The following ULK4 variants were observed in gnomAD, a reference collection of about 807,000 sequenced individuals.
ULK4 encodes the protein unc-51 like kinase 4.
In ULK4, 133 loss-of-function variants were observed where a neutral mutation model predicts 160.6. The observed-to-expected ratio is 0.83, with a 90% CI of 0.72 to 0.96. ULK4 has a LOEUF of 0.96. Ranked by LOEUF, ULK4 falls within the 40% of genes least tolerant of loss-of-function variation. The probability of loss-of-function intolerance (pLI) is 0.00; values close to 1 mark genes in which losing one functional copy is unlikely to be tolerated. For synonymous variants in ULK4, 534 were observed against 539.8 expected (o/e 0.99, Z 0.15); for missense variants, 1,580 against 1,499.5 (o/e 1.05, Z -0.89).
chr3:41,352,020 T>C (rs1314712037), intron 35 of ULK4, among the ~76,000 whole-genome samples: 3 of 152,156 alleles, frequency 2.0e-5, no homozygotes, highest in African/African-American at 4.8e-5. Context: ...ATTGCATAGA[T>C]AGAGGTAGTC....
At chr3:41,504,482 T>C (rs1416383468) in intron 32 of ULK4, among the ~76,000 whole-genome samples, 1 of 152,194 alleles carries the variant, frequency 6.6e-6, no homozygotes, top group African/African-American at 2.4e-5. Context: ...CATATGCAAA[T>C]ATGGAAGTGT....
chr3:41,742,239 T>A (rs1169033165), intron 22 of ULK4, among the ~76,000 whole-genome samples: 2 of 151,884 alleles, frequency 1.3e-5, no homozygotes, highest in African/African-American at 4.9e-5. Context: ...TAATATTCCA[T>A]CCCCTGCAAA....
At chr3:41,343,295 CTTTTTTTTT>C (rs55691966) in intron 35 of ULK4, among the ~76,000 whole-genome samples, 2 of 85,376 alleles carry the variant, frequency 2.3e-5, no homozygotes, top group African/African-American at 8.9e-5. Context: ...AGCCCAAAAA[CTTTTTTTTT>C]TTTTTTTTTT....
chr3:41,960,607 C>T (rs758249899), intron 1 of ULK4, among the ~76,000 whole-genome samples: 11 of 152,002 alleles, frequency 7.2e-5, no homozygotes, highest in Non-Finnish European at 1.2e-4. Context: ...TCAAGTGATC[C>T]GCCTGCCTCG....
chr3:41,311,877 C>CATATATATATATATATATAT (rs143621818), intron 35 of ULK4, among the ~76,000 whole-genome samples: 41 of 146,624 alleles, frequency 2.8e-4, no homozygotes, highest in African/African-American at 9.9e-4. Flanking sequence ...AAACTCTCCT[C>CATATATATATATATATATAT]ATATATATAT....
intron 20 of ULK4, among the ~76,000 whole-genome samples, chr3:41,793,517 G>C (rs2040210398): frequency 6.6e-6 from 1 of 152,096 alleles, no homozygotes; most frequent in South Asian, 2.1e-4. Flanking sequence ...TCTGACCCCT[G>C]AGAGATCTTA....
chr3:41,366,144 G>A (rs889323403), intron 35 of ULK4, among the ~76,000 whole-genome samples: 1 of 152,168 alleles, frequency 6.6e-6, no homozygotes, highest in African/African-American at 2.4e-5. Context: ...CCAGGTGTTC[G>A]TTCAGCTCCC....
At chr3:41,324,761 T>C (rs2080309610) in intron 35 of ULK4, among the ~76,000 whole-genome samples, 3 of 152,172 alleles carry the variant, frequency 2.0e-5, no homozygotes, top group African/African-American at 7.2e-5. Context: ...CCTGCCAGCA[T>C]TTTTCTCTCC....
chr3:41,341,974 AAGCCAATGC>A (rs1392704390), intron 35 of ULK4, among the ~76,000 whole-genome samples: 1 of 152,236 alleles, frequency 6.6e-6, no homozygotes, highest in African/African-American at 2.4e-5. Context: ...ACTATATTAA[AAGCCAATGC>A]AGCACATTTC....
chr3:41,725,407 T>C lies in ULK4; in HGVS notation c.2322-7546A>G, dbSNP rs140262229. Among the ~76,000 whole-genome samples the C allele has an allele frequency of 3.7e-3, 557 of 152,318 alleles. 6 individuals are homozygous for C. Among genetic ancestry groups the C allele is most frequent in the African/African-American group, 0.012 (517 of 41,586 alleles). Reference sequence around the variant, plus strand: ...TTCCTCTATATCTCTCCCACTATTCTTCATGTCTTCTATACTTTTGTCTCT... The same window carrying C: ...TTCCTCTATATCTCTCCCACTATTCCTCATGTCTTCTATACTTTTGTCTCT... On this transcript the variant is annotated intron_variant, in intron 22 of 36. Coordinates refer to ENST00000301831, the MANE Select transcript of ULK4 (RefSeq NM_017886.4).
At chr3:41,345,515 A>C (rs1284444957) in intron 35 of ULK4, among the ~76,000 whole-genome samples, 1 of 152,240 alleles carries the variant, frequency 6.6e-6, no homozygotes, top group Non-Finnish European at 1.5e-5. Context: ...TCAGAAAACT[A>C]ATGCAGAAAG....
At chr3:41,310,519 G>T (rs888866877) in intron 35 of ULK4, among the ~76,000 whole-genome samples, 2 of 152,008 alleles carry the variant, frequency 1.3e-5, no homozygotes, top group Admixed American at 1.3e-4. Flanking sequence ...TAAAACGGAA[G>T]AAAAAGCTCA....
chr3:41,408,929 C>T (rs1168593912), intron 34 of ULK4, among the ~76,000 whole-genome samples: 1 of 152,104 alleles, frequency 6.6e-6, no homozygotes, highest in Non-Finnish European at 1.5e-5. Flanking sequence ...CCCCACATCA[C>T]ACCATATATA....
intron 16 of ULK4, among the ~76,000 whole-genome samples, chr3:41,893,304 T>C (rs1473659255): frequency 6.6e-6 from 1 of 152,162 alleles, no homozygotes; most frequent in Non-Finnish European, 1.5e-5. Flanking sequence ...TTATGCATAA[T>C]TTACAATTAA....
chr3:41,559,152 T>C (rs2087450820), intron 32 of ULK4, among the ~76,000 whole-genome samples: 1 of 150,100 alleles, frequency 6.7e-6, no homozygotes, highest in Non-Finnish European at 1.5e-5. Context: ...TTGCGATAGT[T>C]TACTGAGAAT....
intron 22 of ULK4, among the ~76,000 whole-genome samples, chr3:41,746,721 G>A (rs1187536029): frequency 6.6e-6 from 1 of 151,846 alleles, no homozygotes; most frequent in East Asian, 1.9e-4. Context: ...GAATCACTCT[G>A]CCCAATATTA....
At chr3:41,364,112 AT>A (rs1366486253) in intron 35 of ULK4, among the ~76,000 whole-genome samples, 1 of 151,996 alleles carries the variant, frequency 6.6e-6, no homozygotes, top group Non-Finnish European at 1.5e-5. Flanking sequence ...AAAAATATAT[AT>A]TTTTTGTAGA....
Position 41,681,527 on chromosome 3 carries a change from G to A in ULK4, c.2959C>T (p.Arg987Ter), listed in dbSNP as rs374168486. The A allele has an allele frequency of 5.1e-5, 82 of 1,613,818 alleles. No homozygotes were observed. Among genetic ancestry groups the A allele is most frequent in the Non-Finnish European group, 5.9e-5 (70 of 1,179,950 alleles). ...ACTTACTGGGGAAGTAAGACATCTC[G>A]AATGAGAGCCAGAAGATTGCTGTCA... ...DSDSNLLALIRDVLLPQYEHI... is the reference protein window; with the variant it reads ...DSDSNLLALI The change falls in exon 29 of 37, where the codon CGA (arginine) becomes TGA (stop). Residue 987 changes from arginine to a stop codon, truncating the protein, a stop_gained. Transcript: ENST00000301831. LOFTEE classifies it high-confidence loss of function.
chr3:41,570,720 A>G (rs2087942323), intron 31 of ULK4, among the ~76,000 whole-genome samples: 2 of 152,198 alleles, frequency 1.3e-5, no homozygotes, highest in Non-Finnish European at 2.9e-5. Flanking sequence ...TCCTGTACTC[A>G]TGAGTGAGTG....
Sources: allele counts gnomAD v4.1 joint callset (sites outside exome capture counted in the v4.1 genomes callset), GRCh38; gene constraint gnomAD v4.1.1; transcripts MANE v1.5; gene names NCBI Gene and HGNC (gene_info 2026-07-23, HGNC 2026-07-21).